PLD5: variants seen among roughly 807,000 people sequenced by gnomAD.
PLD5 encodes the protein inactive phospholipase D5.
In PLD5, 36 loss-of-function variants were observed where a neutral mutation model predicts 61.1. That is an observed-to-expected ratio of 0.59 (90% CI 0.45 to 0.78). The LOEUF is 0.78. PLD5 is among the 30% of genes least tolerant of loss of function. The probability of loss-of-function intolerance (pLI) is 0.00; values close to 1 mark genes in which losing one functional copy is unlikely to be tolerated. For synonymous variants in PLD5, 243 were observed against 242.8 expected (o/e 1.00, Z -0.01); for missense variants, 515 against 644.4 (o/e 0.80, Z 2.17).
chr1:242,403,715 G>A lies in PLD5; in HGVS notation c.190-55473C>T, dbSNP rs369447852. 2.3e-4 allele frequency among the ~76,000 whole-genome samples: 35 copies of A among 152,092 alleles called. 1 individual carries two copies. Among genetic ancestry groups the A allele is most frequent in the African/African-American group, 7.7e-4 (32 of 41,488 alleles). ...ACCCTTGACCTCAAGTGATCCGCCC[G>A]CCTTGGCCTGGATAGGCTATTTTGA... On this transcript the variant is annotated intron_variant, in intron 1 of 9. Transcript: ENST00000536534.
At chr1:242,484,715 T>C (rs370689842) in intron 1 of PLD5, among the ~76,000 whole-genome samples, 2 of 151,886 alleles carry the variant, frequency 1.3e-5, no homozygotes, top group African/African-American at 4.8e-5. Flanking sequence ...TTTATGAGGC[T>C]AGCATCATCC....
At chr1:242,407,353 G>A (rs1664289328) in intron 1 of PLD5, among the ~76,000 whole-genome samples, 1 of 152,006 alleles carries the variant, frequency 6.6e-6, no homozygotes, top group Non-Finnish European at 1.5e-5. Context: ...GTGTAAGAAT[G>A]GACTAATACA....
chr1:242,156,159 A>T (rs6689681), intron 5 of PLD5, among the ~76,000 whole-genome samples: 4,450 of 151,642 alleles, frequency 0.029, 237 homozygotes, highest in African/African-American at 0.1. Context: ...TTTATTAGAG[A>T]TTAGGATTGC....
chr1:242,197,253 A>C (rs1168884305), intron 5 of PLD5, among the ~76,000 whole-genome samples: 1 of 152,214 alleles, frequency 6.6e-6, no homozygotes. Context: ...CTATTTCTGC[A>C]GGACTTCCTA....
intron 5 of PLD5, among the ~76,000 whole-genome samples, chr1:242,153,152 A>G (rs1253620091): frequency 4.0e-5 from 6 of 151,574 alleles, no homozygotes; most frequent in African/African-American, 1.5e-4. Flanking sequence ...GCATAGATGT[A>G]TTCTTTTGAG....
chr1:242,096,906 C>G (rs1012488023), intron 9 of PLD5, among the ~76,000 whole-genome samples: 1 of 151,854 alleles, frequency 6.6e-6, no homozygotes, highest in Non-Finnish European at 1.5e-5. Flanking sequence ...CCCCCTCCCC[C>G]TCCCCACAAC....
intron 3 of PLD5, among the ~76,000 whole-genome samples, chr1:242,279,570 T>G (rs899057619): frequency 1.7e-4 from 26 of 152,022 alleles, no homozygotes; most frequent in Admixed American, 1.6e-3. Flanking sequence ...AGTCTTGCTG[T>G]GTCACCAGGC....
chr1:242,520,167 T>C (rs1572284534), intron 1 of PLD5, among the ~76,000 whole-genome samples: 1 of 152,176 alleles, frequency 6.6e-6, no homozygotes. Flanking sequence ...GGCGGAAGCA[T>C]TGAAAGCCTA....
At chr1:242,119,823 A>G (rs1662230047) in intron 6 of PLD5, among the ~76,000 whole-genome samples, 1 of 152,216 alleles carries the variant, frequency 6.6e-6, no homozygotes, top group Non-Finnish European at 1.5e-5. Context: ...ATCCACTCCT[A>G]TGTATAAACT....
chr1:242,311,782 G>A (rs1676712035), intron 2 of PLD5, among the ~76,000 whole-genome samples: 1 of 152,092 alleles, frequency 6.6e-6, no homozygotes, highest in Non-Finnish European at 1.5e-5. Context: ...TTCTGTCATT[G>A]TTTCTTCAAA....
intron 5 of PLD5, among the ~76,000 whole-genome samples, chr1:242,182,377 G>GAA (rs34442827): frequency 2.6e-5 from 4 of 151,930 alleles, no homozygotes; most frequent in Non-Finnish European, 4.4e-5. Context: ...AAGTGGTTTT[G>GAA]AAAAAACTAT....
chr1:242,241,887 A>T (rs1156572335), intron 4 of PLD5, among the ~76,000 whole-genome samples: 2 of 33,634 alleles, frequency 5.9e-5, no homozygotes, highest in African/African-American at 1.1e-4. Flanking sequence ...ATATATATAT[A>T]TATATATATA....
chr1:242,287,462 C>T (rs1866532), intron 3 of PLD5, among the ~76,000 whole-genome samples: 144,802 of 152,226 alleles, frequency 0.95, 69,137 homozygotes, highest in Middle Eastern at 0.99. Context: ...TCTTTAGTTA[C>T]GGCCTTCGTG....
intron 2 of PLD5, among the ~76,000 whole-genome samples, chr1:242,342,569 C>A (rs1442615554): frequency 6.6e-6 from 1 of 152,202 alleles, no homozygotes; most frequent in Non-Finnish European, 1.5e-5. Context: ...TTTGAACTTT[C>A]CTTACCTGTC....
chr1:242,397,784 C>CT (rs749006053), intron 1 of PLD5, among the ~76,000 whole-genome samples: 3,834 of 74,542 alleles, frequency 0.051, 118 homozygotes, highest in East Asian at 0.2. Context: ...TCTTCTTCTT[C>CT]TTTTTTTTTT....
At chr1:242,140,445 AC>A (rs35011858) in intron 5 of PLD5, among the ~76,000 whole-genome samples, 90,174 of 151,908 alleles carry the variant, frequency 0.59, 27,431 homozygotes, top group African/African-American at 0.72. Flanking sequence ...GGAGTTCGAG[AC>A]CAGCCTGGGT....
At chr1:242,240,471 G>C (rs1671928079) in intron 4 of PLD5, among the ~76,000 whole-genome samples, 1 of 152,176 alleles carries the variant, frequency 6.6e-6, no homozygotes, top group Admixed American at 6.5e-5. Flanking sequence ...CGAATGTAAT[G>C]ACCTCAGAAT....
intron 1 of PLD5, among the ~76,000 whole-genome samples, chr1:242,352,200 A>G (rs1660515910): frequency 1.3e-5 from 2 of 152,128 alleles, no homozygotes; most frequent in South Asian, 4.1e-4. Flanking sequence ...TTTGATTATC[A>G]TCTCCTCATC....
intron 1 of PLD5, among the ~76,000 whole-genome samples, chr1:242,408,524 G>A (rs1346190745): frequency 1.3e-5 from 2 of 152,144 alleles, no homozygotes; most frequent in South Asian, 2.1e-4. Context: ...TTGAAAGTGT[G>A]TGGCACCTCC....
Sources: allele counts gnomAD v4.1 joint callset (sites outside exome capture counted in the v4.1 genomes callset), GRCh38; gene constraint gnomAD v4.1.1; transcripts MANE v1.5; gene names NCBI Gene and HGNC (gene_info 2026-07-23, HGNC 2026-07-21).